Variants in PLCB4 observed in about 807,000 individuals in gnomAD.
PLCB4 encodes the protein phospholipase C beta 4.
A neutral mutation model predicts 178.8 loss-of-function variants in PLCB4; 77 were observed. The observed-to-expected ratio is 0.43, with a 90% CI of 0.36 to 0.52. PLCB4 has a LOEUF of 0.52. Ranked by LOEUF, PLCB4 falls within the 20% of genes least tolerant of loss-of-function variation. The pLI is 0.00. For synonymous variants in PLCB4, 496 were observed against 490.8 expected, an observed-to-expected ratio of 1.01 and a Z score of -0.14; for missense variants, 1,024 against 1,453.4, an observed-to-expected ratio of 0.70 and a Z score of 4.80.
At chr20:9,117,863 C>T (rs2091832436) in intron 2 of PLCB4, among the ~76,000 whole-genome samples, 3 of 152,178 alleles carry the variant, frequency 2.0e-5, no homozygotes, top group South Asian at 2.1e-4. Flanking sequence ...AACAGACTTC[C>T]GTGGCTTCCC....
intron 28 of PLCB4, among the ~76,000 whole-genome samples, chr20:9,426,439 C>CA (rs61087297): frequency 6.6e-6 from 1 of 152,190 alleles, no homozygotes; most frequent in East Asian, 1.9e-4. Flanking sequence ...AGTGCAGTGA[C>CA]ACAATCTCGG....
intron 13 of PLCB4, among the ~76,000 whole-genome samples, chr20:9,381,065 A>C (rs1378516861): frequency 1.3e-5 from 2 of 152,094 alleles, no homozygotes; most frequent in African/African-American, 4.8e-5. Flanking sequence ...CAAGCCCAAT[A>C]GTTTTCCCTT....
intron 2 of PLCB4, among the ~76,000 whole-genome samples, chr20:9,149,162 A>T (rs1023116176): frequency 2.0e-5 from 3 of 152,110 alleles, no homozygotes; most frequent in Non-Finnish European, 2.9e-5. Flanking sequence ...ATCTCTAGGA[A>T]CACATGTGTC....
chr20:9,470,712 C>T (rs2044133224), intron 36 of PLCB4, among the ~76,000 whole-genome samples: 2 of 152,144 alleles, frequency 1.3e-5, no homozygotes, highest in Admixed American at 6.5e-5. Flanking sequence ...ATTTGTGCAA[C>T]TGTATGGGGG....
intron 2 of PLCB4, among the ~76,000 whole-genome samples, chr20:9,153,559 C>T (rs2146941402): frequency 6.6e-6 from 1 of 152,296 alleles, no homozygotes; most frequent in Non-Finnish European, 1.5e-5. Flanking sequence ...CCATGTGGAA[C>T]TGTAAGTCCA....
At chr20:9,444,739 G>GT (rs1203544029) in intron 32 of PLCB4, among the ~76,000 whole-genome samples, 14 of 152,026 alleles carry the variant, frequency 9.2e-5, no homozygotes, top group African/African-American at 3.4e-4. Context: ...TCCAGTGTAG[G>GT]TGATAGAGTA....
intron 1 of PLCB4, among the ~76,000 whole-genome samples, chr20:9,092,880 A>G (rs2090745945): frequency 6.6e-6 from 1 of 152,158 alleles, no homozygotes; most frequent in African/African-American, 2.4e-5. Context: ...TCATTGGTCA[A>G]AACTGTGTCA....
intron 29 of PLCB4, 60 bp downstream of exon 29, chr20:9,435,708 GT>G (rs1188515178): frequency 1.0e-6 from 1 of 973,456 alleles, no homozygotes; most frequent in Non-Finnish European, 1.6e-6. Context: ...ATCAAACAGT[GT>G]TTACAAAAAC....
At chr20:9,353,346 C>G (rs997232555) in intron 7 of PLCB4, among the ~76,000 whole-genome samples, 2 of 152,188 alleles carry the variant, frequency 1.3e-5, no homozygotes, top group Non-Finnish European at 2.9e-5. Context: ...GTGAATTGCC[C>G]TCTTGTCCCA....
At chr20:9,245,721 A>G (rs1569011001) in intron 3 of PLCB4, among the ~76,000 whole-genome samples, 1 of 144,662 alleles carries the variant, frequency 6.9e-6, no homozygotes, top group Non-Finnish European at 1.5e-5. Flanking sequence ...ACCAAGAGGC[A>G]ATAAATATCT....
At chr20:9,198,508 C>T (rs2093501240) in intron 2 of PLCB4, among the ~76,000 whole-genome samples, 1 of 152,168 alleles carries the variant, frequency 6.6e-6, no homozygotes, top group Non-Finnish European at 1.5e-5. Context: ...AAGGGAATTG[C>T]AGTCCTATTT....
At chr20:9,071,671 T>C (rs1472048895) in intron 1 of PLCB4, among the ~76,000 whole-genome samples, 1 of 152,234 alleles carries the variant, frequency 6.6e-6, no homozygotes, top group Non-Finnish European at 1.5e-5. Context: ...GTTTGATTTT[T>C]TATTTTGAAA....
At chr20:9,297,415 A>G (rs2094650855) in intron 3 of PLCB4, among the ~76,000 whole-genome samples, 1 of 152,084 alleles carries the variant, frequency 6.6e-6, no homozygotes, top group Non-Finnish European at 1.5e-5. Flanking sequence ...CATTGGGTAC[A>G]ATGTATACTG....
chr20:9,435,469 A>C, intron 28 of PLCB4, 91 bp from the exon 29 acceptor site: 1 of 751,130 alleles, frequency 1.3e-6, no homozygotes, highest in Non-Finnish European at 2.3e-6. Context: ...CACAACAGGT[A>C]TCCAGGATTG....
At chr20:9,365,536 C>A (rs752513490) in intron 9 of PLCB4, 22 bp downstream of exon 9, 2 of 1,507,114 alleles carry the variant, frequency 1.3e-6, no homozygotes, top group Non-Finnish European at 1.8e-6. Context: ...TTCCTATCTG[C>A]TGTCCGTGTC....
chr20:9,075,651 G>A (rs1367037105), intron 1 of PLCB4, among the ~76,000 whole-genome samples: 1 of 152,194 alleles, frequency 6.6e-6, no homozygotes, highest in African/African-American at 2.4e-5. Context: ...TGAGGCTTGC[G>A]CCCATCCAGG....
chr20:9,389,986 T>A (rs765143320), intron 16 of PLCB4, 28 bp downstream of exon 16: 2 of 1,207,170 alleles, frequency 1.7e-6, no homozygotes, highest in Non-Finnish European at 2.5e-6. Flanking sequence ...GCCACAAGTC[T>A]CTATGTGGTA....
chr20:9,121,896 G>A (rs545474504), intron 2 of PLCB4, among the ~76,000 whole-genome samples: 14 of 152,124 alleles, frequency 9.2e-5, no homozygotes, highest in Non-Finnish European at 1.8e-4. Context: ...GTGAATTATA[G>A]CTGCAAAATA....
rs145375432 is a variant in PLCB4 at position 9,320,627 on chromosome 20, C to G, written c.84+12729C>G. 3.0e-3 allele frequency among the ~76,000 whole-genome samples: 457 copies of G among 152,258 alleles called. 2 individuals are homozygous for G. The highest frequency in any genetic ancestry group is 0.01 in the African/African-American group (425 of 41,540). On this transcript the variant is annotated intron_variant, in intron 4 of 39. Coordinates refer to ENST00000378473, the MANE Select transcript of PLCB4 (RefSeq NM_001377142.1). ...TGATTTAAGCATTATTTCACTTAAGCCTCGAAACAACCCTGTTTTAAGTAG... is the reference window on the plus strand; with the variant it reads ...TGATTTAAGCATTATTTCACTTAAGGCTCGAAACAACCCTGTTTTAAGTAG...
Sources: allele counts gnomAD v4.1 joint callset (sites outside exome capture counted in the v4.1 genomes callset), GRCh38; gene constraint gnomAD v4.1.1; transcripts MANE v1.5; gene names NCBI Gene and HGNC (gene_info 2026-07-23, HGNC 2026-07-21).